CELSR1: variants seen among roughly 807,000 people sequenced by gnomAD.
The protein encoded by CELSR1 is cadherin EGF LAG seven-pass G-type receptor 1.
CELSR1 carries 110 observed loss-of-function variants against 249.1 expected under a neutral mutation model. The ratio of observed to expected loss-of-function variants is 0.44; its 90% CI spans 0.38 to 0.52. CELSR1 has a LOEUF of 0.52. CELSR1 is among the 20% of genes least tolerant of loss of function. The pLI is 0.00. For missense variants in CELSR1, 4,109 were observed against 4,296.4 expected, an observed-to-expected ratio of 0.96 and a Z score of 1.22; for synonymous variants, 2,113 against 1,900.0, an observed-to-expected ratio of 1.11 and a Z score of -2.92.
chr22:46,462,253 C>T (rs937267227), intron 2 of CELSR1, among the ~76,000 whole-genome samples: 5 of 152,350 alleles, frequency 3.3e-5, no homozygotes, highest in African/African-American at 7.2e-5. Context: ...GGGAACACCA[C>T]GGGGCAGGTG....
At chr22:46,496,627 A>T (rs1569202555) in intron 1 of CELSR1, among the ~76,000 whole-genome samples, 3 of 150,904 alleles carry the variant, frequency 2.0e-5, no homozygotes, top group South Asian at 2.1e-4. Context: ...TTATCTATTA[A>T]TTTTTTTTTT....
chr22:46,376,437 C>A (rs2078918926), intron 24 of CELSR1, among the ~76,000 whole-genome samples: 1 of 152,168 alleles, frequency 6.6e-6, no homozygotes, highest in Non-Finnish European at 1.5e-5. Context: ...TGCAGTGGCT[C>A]CATCTCTGCT....
At chr22:46,442,378 A>T (rs765460150) in intron 2 of CELSR1, among the ~76,000 whole-genome samples, 3 of 152,208 alleles carry the variant, frequency 2.0e-5, no homozygotes, top group African/African-American at 7.2e-5. Context: ...AGACTGCCCA[A>T]CGCAGGCCAT....
rs997573763 is a variant in CELSR1, at chr22:46,362,297, C to T, written c.*926G>A. 5 of 152,284 alleles carry T rather than the reference C, an allele frequency of 3.3e-5. No individual in the cohort carries two copies. Among genetic ancestry groups the T allele is most frequent in the Non-Finnish European group, 7.3e-5 (5 of 68,064 alleles). 9.4% of individuals were successfully genotyped at this position (152,284 alleles called of 1,614,324 possible). A position where few individuals can be genotyped will look rare whatever the true frequency, so the allele number is the denominator to read the frequency against. On this transcript the variant is annotated 3_prime_UTR_variant, in exon 35 of 35. Coordinates refer to ENST00000674500, the MANE Select transcript of CELSR1 (RefSeq NM_001378328.1). ...TGAAAAATGACAGCCGTGTGGCAAC[C>T]GTGCCCCACAGTGACCTCAGCAGGG...
In CELSR1 at chr22:46,436,908, T is replaced by TA. The variant is rs145278453; in HGVS notation, c.4407-620dup. On this transcript the variant is annotated intron_variant, in intron 3 of 34. Transcript: ENST00000674500. The surrounding 1 kb of genome is among the most constrained non-coding windows in gnomAD (Gnocchi z 5.9). ...GACTCATTGTACTCTACCTTGCCCT[T>TA]ACCTCCCATCAGCCTATGACATCAC... Among the ~76,000 whole-genome samples the TA allele has an allele frequency of 0.016, 2,445 of 152,256 alleles. 67 individuals are homozygous for TA. The highest frequency in any genetic ancestry group is 0.056 in the African/African-American group (2,325 of 41,520).
rs772074440 is a variant in CELSR1 at position 46,533,706 on chromosome 22, G to A, written c.3465C>T (p.Pro1155=). The change falls in exon 1 of 35, where the codon CCC becomes CCT. Residue 1155 remains proline (P), a synonymous_variant. Coordinates refer to ENST00000674500, the MANE Select transcript of CELSR1 (RefSeq NM_001378328.1). The part of the protein sequence containing the change: ...GNELRLLLLD[P]ATGELQLSRD... ...GGCTGAGCTGCAGTTCGCCCGTGGC[G>A]GGGTCCAGCAGCAACAGGCGCAGCT... 1.6e-5 allele frequency: 25 copies of A among 1,612,156 alleles called. No individual in the cohort carries two copies. The highest frequency in any genetic ancestry group is 2.7e-5 in the African/African-American group (2 of 74,938).
rs8138870 is a variant in CELSR1, at chr22:46,457,472, C to T, written c.4183+6235G>A. On this transcript the variant is annotated intron_variant, in intron 2 of 34. Transcript: ENST00000674500. ...ACAGGAGGGGCACCCAGGTCTGCCTCTACCCAGACATGAGGTGAGTGAAAG... is the reference window on the plus strand; with the variant it reads ...ACAGGAGGGGCACCCAGGTCTGCCTTTACCCAGACATGAGGTGAGTGAAAG... Among the ~76,000 whole-genome samples the T allele has an allele frequency of 8.7e-3, 1,318 of 152,350 alleles. 4 individuals carry two copies. Among genetic ancestry groups the T allele is most frequent in the African/African-American group, 0.011 (467 of 41,578 alleles).
At chr22:46,529,677 C>T (rs181261383) in intron 1 of CELSR1, among the ~76,000 whole-genome samples, 5 of 151,740 alleles carry the variant, frequency 3.3e-5, no homozygotes, top group Non-Finnish European at 7.4e-5. Flanking sequence ...GTGGCGTGCA[C>T]CTGTAATCCA....
At chr22:46,525,440 ACT>A (rs61701167) in intron 1 of CELSR1, among the ~76,000 whole-genome samples, 49,547 of 131,478 alleles carry the variant, frequency 0.38, 8,895 homozygotes, top group African/African-American at 0.52. Flanking sequence ...CAAAAGCAAA[ACT>A]CTGTCTCAAA....
chr22:46,389,153 T>G, intron 18 of CELSR1, 137 bp downstream of exon 18: 1 of 977,942 alleles, frequency 1.0e-6, no homozygotes, highest in Non-Finnish European at 1.6e-6. Context: ...GGGCTCACAT[T>G]TGAGAAATGA....
At position 46,399,566 on chromosome 22, in the gene CELSR1, GCAGAA is replaced by G. The variant is rs1440044675; in HGVS notation, c.5412+146_5412+150del. On this transcript the variant is annotated intron_variant, in intron 10 of 34. Coordinates refer to ENST00000674500, the MANE Select transcript of CELSR1 (RefSeq NM_001378328.1). The surrounding 1 kb of genome is among the most constrained non-coding windows in gnomAD (Gnocchi z 5.0). ...AAGATGCCAGTGACCTCAGTACAGG[GCAGAA>G]CAGAAGCCCACCTGCGGGGACCCAG... 47 of 709,170 alleles carry G rather than the reference GCAGAA, an allele frequency of 6.6e-5. No individual in the cohort carries two copies. The African/African-American group carries it at 8.2e-4, about 12-fold the overall frequency. 43.9% of individuals were successfully genotyped at this position (709,170 alleles called of 1,614,324 possible).
At position 46,364,596 on chromosome 22, in the gene CELSR1, T is replaced by G. The variant is rs144922813; in HGVS notation, c.8695A>C (p.Ser2899Arg). 1.9e-6 allele frequency: 3 copies of G among 1,612,574 alleles called. No individual in the cohort carries two copies. Among genetic ancestry groups the G allele is most frequent in the Non-Finnish European group, 2.5e-6 (3 of 1,179,914 alleles). ...TCCGGGGGGTACTCTCCACGGTGAC[T>G]GCCCTGCTCCTCGCGGTGCAGCTCC... ...SVELHREEQG[S>R]HRGEYPPDQE... Residue 2899 changes from serine to arginine, a missense_variant, in exon 33 of 35, where the codon AGT (serine) becomes CGT (arginine). Transcript: ENST00000674500.
rs1293423318 is a variant in CELSR1, at chr22:46,396,382, TG to T, written c.5843+222del. On this transcript the variant is annotated intron_variant, in intron 13 of 34. Transcript: ENST00000674500. This position sits in a 1 kb window ranked among gnomAD's most constrained non-coding sequence, Gnocchi z 6.4. Reference sequence around the variant, plus strand: ...AAGATCGCGCCATTGCACTCCAGCCTGGGTGACAGAGCAAGACTCTGTCTCA... The same window carrying T: ...AAGATCGCGCCATTGCACTCCAGCCTGGTGACAGAGCAAGACTCTGTCTCA... Among the ~76,000 whole-genome samples, 1 of 152,040 alleles carries T rather than the reference TG, an allele frequency of 6.6e-6. No homozygotes were observed. The highest frequency in any genetic ancestry group is 6.6e-5 in the Admixed American group (1 of 15,254).
In CELSR1 at chr22:46,512,826, C is replaced by T. The variant is rs2080587402; in HGVS notation, c.3544+20801G>A. Among the ~76,000 whole-genome samples, 1 of 152,290 alleles carries T rather than the reference C, an allele frequency of 6.6e-6. No individual in the cohort carries two copies. The highest frequency in any genetic ancestry group is 2.4e-5 in the African/African-American group (1 of 41,572). On this transcript the variant is annotated intron_variant, in intron 1 of 34. Coordinates refer to ENST00000674500, the MANE Select transcript of CELSR1 (RefSeq NM_001378328.1). The surrounding 1 kb of genome is among the most constrained non-coding windows in gnomAD (Gnocchi z 5.2). Reference sequence around the variant, plus strand: ...CATGTGCCCCTGCAAGAACCAGGGGCCCCCCACCCTCTTGTTCCTTCCGGG... The same window carrying T: ...CATGTGCCCCTGCAAGAACCAGGGGTCCCCCACCCTCTTGTTCCTTCCGGG...
intron 19 of CELSR1, 90 bp from the exon 20 acceptor site, chr22:46,384,776 C>T (rs9615975): frequency 0.086 from 115,559 of 1,342,060 alleles, 5,465 homozygotes; most frequent in African/African-American, 0.15. Flanking sequence ...GTCACACTGA[C>T]GCTGGCTGGC....
chr22:46,527,797 T>C lies in CELSR1; in HGVS notation c.3544+5830A>G, dbSNP rs1433162796. ...ATCCTGCTTGGCCACTGAAGCAATT[T>C]AAGATGGTCCGACCCAGGCTGGGAG... On this transcript the variant is annotated intron_variant, in intron 1 of 34. Coordinates refer to ENST00000674500, the MANE Select transcript of CELSR1 (RefSeq NM_001378328.1). This position sits in a 1 kb window ranked among gnomAD's most constrained non-coding sequence, Gnocchi z 5.5. 6.6e-6 allele frequency among the ~76,000 whole-genome samples: 1 copy of C among 152,144 alleles called. No homozygotes were observed. The highest frequency in any genetic ancestry group is 2.4e-5 in the African/African-American group (1 of 41,424).
chr22:46,446,885 G>A lies in CELSR1; in HGVS notation c.4184-7474C>T, dbSNP rs978440374. On this transcript the variant is annotated intron_variant, in intron 2 of 34. Coordinates refer to ENST00000674500, the MANE Select transcript of CELSR1 (RefSeq NM_001378328.1). This position sits in a 1 kb window ranked among gnomAD's most constrained non-coding sequence, Gnocchi z 5.5. ...GGGTTCTGGATGAACTGGACCAGCC[G>A]GGGAAGGTCCTGTCCCTGTGTTCCT... Among the ~76,000 whole-genome samples, 4 of 152,086 alleles carry A rather than the reference G, an allele frequency of 2.6e-5. No homozygotes were observed. The highest frequency in any genetic ancestry group is 1.9e-4 in the East Asian group (1 of 5,172).
At position 46,527,188 on chromosome 22, in the gene CELSR1, C is replaced by A. The variant is rs909076319; in HGVS notation, c.3544+6439G>T. Among the ~76,000 whole-genome samples, 1 of 152,178 alleles carries A rather than the reference C, an allele frequency of 6.6e-6. No homozygotes were observed. Among genetic ancestry groups the A allele is most frequent in the East Asian group, 1.9e-4 (1 of 5,196 alleles). ...ACTGCAAGCGATGGGGCCTGCAGAG[C>A]CTGGGAGGGTTCCCGGCACATGGAG... On this transcript the variant is annotated intron_variant, in intron 1 of 34. Coordinates refer to ENST00000674500, the MANE Select transcript of CELSR1 (RefSeq NM_001378328.1). The surrounding 1 kb of genome is among the most constrained non-coding windows in gnomAD (Gnocchi z 5.5).
Position 46,536,439 on chromosome 22 carries a change from C to G in CELSR1, c.732G>C (p.Lys244Asn), listed in dbSNP as rs749818697. 2.6e-5 allele frequency: 42 copies of G among 1,611,932 alleles called. No individual in the cohort carries two copies. The highest frequency in any genetic ancestry group is 3.2e-5 in the Non-Finnish European group (38 of 1,179,596). The change falls in exon 1 of 35, where the codon AAG (lysine) becomes AAC (asparagine). Residue 244 changes from lysine (K) to asparagine (N), a missense_variant. By Grantham distance (94) the Lys-to-Asn change is moderately conservative (BLOSUM62 0). This residue lies in a region of CELSR1 where 673 missense variants were observed against 636.8 expected (regional missense o/e 1.06). Coordinates refer to ENST00000674500, the MANE Select transcript of CELSR1 (RefSeq NM_001378328.1). ...CCACCTGGTAGTTGGGCATCGGAAA[C>G]TTCAGGCTCCCTCTGCCGCTCGTGC... ...RRGTSGRGSL[K>N]FPMPNYQVAL...
Sources: allele counts gnomAD v4.1 joint callset (sites outside exome capture counted in the v4.1 genomes callset), GRCh38; gene constraint gnomAD v4.1.1; regional missense constraint gnomAD v4.1.1; non-coding constraint Gnocchi (gnomAD v3.1); transcripts MANE v1.5; gene names NCBI Gene and HGNC (gene_info 2026-07-23, HGNC 2026-07-21).